The following NCOR2 variants were observed in gnomAD, a reference collection of about 807,000 sequenced individuals.
The protein encoded by NCOR2 is nuclear receptor corepressor 2.
A neutral mutation model predicts 262.9 loss-of-function variants in NCOR2; 81 were observed. The observed-to-expected ratio is 0.31, with a 90% confidence interval of 0.26 to 0.37. NCOR2 has a LOEUF of 0.37. Among genes scored for constraint, NCOR2 ranks in the 10% least tolerant of loss-of-function variants. NCOR2 has a pLI of 1.00. For missense variants in NCOR2, 3,385 were observed against 3,621.4 expected, an observed-to-expected ratio of 0.93 and a Z score of 1.68; for synonymous variants, 1,659 against 1,559.3, an observed-to-expected ratio of 1.06 and a Z score of -1.51.
At chr12:124,560,043 A>C (rs1055680093) in intron 1 of NCOR2, among the ~76,000 whole-genome samples, 6 of 152,232 alleles carry the variant, frequency 3.9e-5, no homozygotes, top group African/African-American at 1.4e-4. Context: ...TAACTCAGCA[A>C]GAACAGGAGC....
chr12:124,482,064 C>A lies in NCOR2; in HGVS notation c.411+1532G>T, dbSNP rs923964394. ...GTGGCCAGGGTGGAGTCCCTGAGTGCCAACAAGAACACAGCTGCATCCGCC... is the reference window on the plus strand; with the variant it reads ...GTGGCCAGGGTGGAGTCCCTGAGTGACAACAAGAACACAGCTGCATCCGCC... On this transcript the variant is annotated intron_variant, in intron 3 of 46. Coordinates refer to ENST00000405201, the Ensembl canonical transcript of NCOR2. This position sits in a 1 kb window ranked among gnomAD's most constrained non-coding sequence, Gnocchi z 6.3. Among the ~76,000 whole-genome samples, 3 of 152,118 alleles carry A rather than the reference C, an allele frequency of 2.0e-5. No individual in the cohort carries two copies. Among genetic ancestry groups the A allele is most frequent in the Non-Finnish European group, 4.4e-5 (3 of 68,006 alleles).
chr12:124,354,773 C>A (rs1465580979), intron 25 of NCOR2, 64 bp downstream of exon 27: 1 of 1,505,542 alleles, frequency 6.6e-7, no homozygotes, highest in South Asian at 1.2e-5. Context: ...TCCTCCCCCG[C>A]CCCACCCACA....
intron 1 of NCOR2, among the ~76,000 whole-genome samples, chr12:124,509,115 G>A (rs2049226856): frequency 6.6e-6 from 1 of 151,412 alleles, no homozygotes; most frequent in Admixed American, 6.6e-5. Context: ...CTGCCCACCC[G>A]GCCCCACTCC....
At chr12:124,522,339 C>A (rs1476514414) in intron 1 of NCOR2, among the ~76,000 whole-genome samples, 1 of 152,212 alleles carries the variant, frequency 6.6e-6, no homozygotes, top group Non-Finnish European at 1.5e-5. Flanking sequence ...CTGAAACCAG[C>A]GACCTATCCT....
At chr12:124,369,787 A>G (rs896255177) in intron 20 of NCOR2, among the ~76,000 whole-genome samples, 5 of 151,906 alleles carry the variant, frequency 3.3e-5, no homozygotes, top group Non-Finnish European at 5.9e-5. Context: ...CAAGGGGTGG[A>G]CGTACGCCAG....
At chr12:124,479,247 C>T (rs975354784) in intron 3 of NCOR2, among the ~76,000 whole-genome samples, 13 of 152,308 alleles carry the variant, frequency 8.5e-5, no homozygotes, top group African/African-American at 3.1e-4. Flanking sequence ...CACATGCACA[C>T]ACACGCACAC....
At chr12:124,338,505 C>CAAAAA (rs575208388) in intron 37 of NCOR2, among the ~76,000 whole-genome samples, 43 of 87,742 alleles carry the variant, frequency 4.9e-4, no homozygotes, top group African/African-American at 1.6e-3. Context: ...ACAACTCCAT[C>CAAAAA]AAAAAAAAAA....
chr12:124,340,373 CTCTCGATCCCGG>C, exon 36 of NCOR2: 2 of 1,613,070 alleles, frequency 1.2e-6, no homozygotes, highest in East Asian at 2.2e-5. Flanking sequence ...CCCGGTCCCG[CTCTCGATCCCGG>C]TCTCGCTCCC....
intron 8 of NCOR2, among the ~76,000 whole-genome samples, chr12:124,433,879 C>CACAA (rs1555222698): frequency 3.9e-5 from 4 of 103,302 alleles, no homozygotes; most frequent in African/African-American, 1.3e-4. Flanking sequence ...CACACACACA[C>CACAA]ACACACACAC....
chr12:124,333,157 TACA>T, exon 42 of NCOR2: 1 of 1,611,552 alleles, frequency 6.2e-7, no homozygotes, highest in Non-Finnish European at 8.5e-7. Flanking sequence ...CCCATCCCGG[TACA>T]GCAGCGGGTA....
chr12:124,354,877 G>A (rs776690671), exon 25 of NCOR2: 2 of 1,612,474 alleles, frequency 1.2e-6, no homozygotes, highest in South Asian at 2.2e-5. Flanking sequence ...GCCCCATGGT[G>A]ACAGGGCCCA....
chr12:124,516,142 C>T (rs561228226), intron 1 of NCOR2, among the ~76,000 whole-genome samples: 1 of 152,342 alleles, frequency 6.6e-6, no homozygotes, highest in African/African-American at 2.4e-5. Context: ...GTGCGGGGGG[C>T]CTGGACGCCC....
chr12:124,384,767 T>C (rs1356990701), intron 17 of NCOR2, among the ~76,000 whole-genome samples: 1 of 151,760 alleles, frequency 6.6e-6, no homozygotes, highest in Non-Finnish European at 1.5e-5. Context: ...CTGCACACAC[T>C]TTACACCCAG....
chr12:124,537,297 T>C (rs1594027053), upstream of NCOR2, among the ~76,000 whole-genome samples: 1 of 152,172 alleles, frequency 6.6e-6, no homozygotes, highest in East Asian at 1.9e-4. Context: ...AAGTAAAAAA[T>C]AGTACAGAGG....
Position 124,432,813 on chromosome 12 carries a change from A to G in NCOR2, c.883-2026T>C, listed in dbSNP as rs1005826370. Among the ~76,000 whole-genome samples the G allele has an allele frequency of 1.5e-5, 2 of 135,178 alleles. No individual in the cohort carries two copies. The highest frequency in any genetic ancestry group is 5.5e-5 in the African/African-American group (2 of 36,252). 88.7% of individuals were successfully genotyped at this position (135,178 alleles called of 152,430 possible). ...GAGATCCCCAATCAGCCCAGAGCAT[A>G]GCTGCCTGGCTTCCACATCTCCAAG... On this transcript the variant is annotated intron_variant, in intron 8 of 46. Transcript: ENST00000405201. This position sits in a 1 kb window ranked among gnomAD's most constrained non-coding sequence, Gnocchi z 5.1.
chr12:124,325,392 C>CCCCCGT, exon 47 of NCOR2: 3 of 1,152,270 alleles, frequency 2.6e-6, no homozygotes, highest in African/African-American at 1.7e-5. Context: ...CCCCCCCGCC[C>CCCCCGT]TGTTCTGAGT....
At chr12:124,514,911 C>T (rs774989947) in intron 1 of NCOR2, 1 of 151,994 alleles carries the variant, frequency 6.6e-6, no homozygotes, top group Non-Finnish European at 1.5e-5. Context: ...AGAAGAGGCT[C>T]ATGAGGCTGG....
chr12:124,525,013 G>A (rs1008019786), intron 1 of NCOR2, among the ~76,000 whole-genome samples: 4 of 152,230 alleles, frequency 2.6e-5, no homozygotes, highest in East Asian at 1.9e-4. Flanking sequence ...AATTAACTAT[G>A]GAGCAAAAGA....
In NCOR2 at chr12:124,402,301, T is replaced by C. The variant is rs570105031; in HGVS notation, c.1640+103A>G. On this transcript the variant is annotated intron_variant, in intron 14 of 46. Coordinates refer to ENST00000405201, the Ensembl canonical transcript of NCOR2. ...AGCCCTCCCCCCTGCTCACAGGCAATTGGTGGGCACCCCACCCGTCTCTAC... is the reference window on the plus strand; with the variant it reads ...AGCCCTCCCCCCTGCTCACAGGCAACTGGTGGGCACCCCACCCGTCTCTAC... 1.6e-4 allele frequency: 247 copies of C among 1,553,874 alleles called. 2 individuals carry two copies. The African/African-American group carries it at 3.1e-3, about 19-fold the overall frequency.
Sources: gnomAD v4.1 joint callset for allele counts (sites outside exome capture counted in the v4.1 genomes callset) on GRCh38, gnomAD v4.1.1 for gene constraint, Gnocchi (gnomAD v3.1) non-coding constraint, MANE v1.5 for transcripts, NCBI Gene and HGNC (gene_info 2026-07-23, HGNC 2026-07-21) for gene names.